Variants in ZNF516 observed in about 807,000 individuals in gnomAD.
ZNF516 encodes zinc finger protein 516.
A neutral mutation model predicts 79.7 loss-of-function variants in ZNF516; 19 were observed. The observed-to-expected ratio is 0.24, with a 90% CI of 0.17 to 0.35. The LOEUF (loss-of-function observed/expected upper bound fraction) is 0.35, where lower values mean the gene tolerates loss of function less well. Ranked by LOEUF, ZNF516 falls within the 10% of genes least tolerant of loss-of-function variation. The probability of loss-of-function intolerance (pLI) is 1.00; values close to 1 mark genes in which losing one functional copy is unlikely to be tolerated. For synonymous variants in ZNF516, 877 were observed against 739.5 expected (o/e 1.19, Z -3.02); for missense variants, 1,678 against 1,679.5 (o/e 1.00, Z 0.02).
Position 76,365,391 on chromosome 18 carries a change from T to C in ZNF516, c.3433-2834A>G, listed in dbSNP as rs555553511. Among the ~76,000 whole-genome samples the C allele has an allele frequency of 2.0e-4, 30 of 152,320 alleles. No individual in the cohort carries two copies. The East Asian group carries it at 5.0e-3, about 25-fold the overall frequency. Reference sequence around the variant, plus strand: ...TTCTTGGTTTCAAAAATCATTTTAATTTCTAATGTTTAACAACAATGCAAC... The same window carrying C: ...TTCTTGGTTTCAAAAATCATTTTAACTTCTAATGTTTAACAACAATGCAAC... On this transcript the variant is annotated intron_variant, in intron 6 of 6. Coordinates refer to ENST00000443185, the MANE Select transcript of ZNF516 (RefSeq NM_014643.4).
intron 3 of ZNF516, among the ~76,000 whole-genome samples, chr18:76,428,213 C>CTG (rs1182830134): frequency 2.0e-5 from 3 of 151,800 alleles, no homozygotes; most frequent in Admixed American, 6.6e-5. Context: ...CAGTGAAACC[C>CTG]TGTCTGTACT....
intron 6 of ZNF516, among the ~76,000 whole-genome samples, chr18:76,367,902 T>C (rs1195771777): frequency 6.6e-6 from 1 of 152,236 alleles, no homozygotes; most frequent in Non-Finnish European, 1.5e-5. Context: ...TGTATATCTA[T>C]AAAAGTCCAT....
chr18:76,438,829 G>A (rs1412798759), intron 3 of ZNF516, among the ~76,000 whole-genome samples: 1 of 152,196 alleles, frequency 6.6e-6, no homozygotes. Context: ...TGGAATGGTC[G>A]CATAGATCTG....
At chr18:76,496,231 C>A, upstream of ZNF516, 1 of 1,248,758 alleles carries the variant, frequency 8.0e-7, no homozygotes, top group Non-Finnish European at 1.0e-6. Context: ...TGACGTAGAC[C>A]CGGGGAGCTG....
intron 1 of ZNF516, chr18:76,492,817 G>A (rs901085141): frequency 7.1e-6 from 7 of 986,158 alleles, no homozygotes; most frequent in Admixed American, 1.2e-4. Flanking sequence ...TTCGGAGGGG[G>A]AGGCGCTCCG....
intron 3 of ZNF516, among the ~76,000 whole-genome samples, chr18:76,401,515 T>C (rs890546606): frequency 6.6e-6 from 1 of 152,088 alleles, no homozygotes; most frequent in African/African-American, 2.4e-5. Flanking sequence ...ATCAAAAAGC[T>C]GGTCACAAGA....
At chr18:76,402,266 C>G (rs936068549) in intron 3 of ZNF516, among the ~76,000 whole-genome samples, 1 of 152,206 alleles carries the variant, frequency 6.6e-6, no homozygotes, top group African/African-American at 2.4e-5. Context: ...GGCTGTCCCG[C>G]GCAGCTGCCT....
intron 3 of ZNF516, among the ~76,000 whole-genome samples, chr18:76,399,202 G>A (rs1049762000): frequency 2.5e-5 from 1 of 39,726 alleles, no homozygotes; most frequent in African/African-American, 1.6e-4. Flanking sequence ...GCATTTATCT[G>A]CAAAAGACTT....
rs1325879020 is a variant in ZNF516, at chr18:76,435,951, G to A, written c.1810+5294C>T. ...CAGGGAGCCCTGTCAGGCCTGGCAT[G>A]GGCCACATGGCGGACAGTAGCTCTC... On this transcript the variant is annotated intron_variant, in intron 3 of 6. Transcript: ENST00000443185. Among the ~76,000 whole-genome samples the A allele has an allele frequency of 2.6e-5, 4 of 152,376 alleles. No individual in the cohort carries two copies. The East Asian group carries it at 7.7e-4, about 29-fold the overall frequency.
chr18:76,386,141 G>A (rs2074988293), intron 3 of ZNF516: 2 of 152,228 alleles, frequency 1.3e-5, no homozygotes, highest in South Asian at 2.1e-4. Context: ...AACAGGAAGG[G>A]GTGTCTGCCC....
At position 76,456,615 on chromosome 18, in the gene ZNF516, G is replaced by C. The variant is rs890569115; in HGVS notation, c.-158+6413C>G. 3.3e-5 allele frequency among the ~76,000 whole-genome samples: 5 copies of C among 152,106 alleles called. No homozygotes were observed. In the East Asian group the frequency reaches 7.7e-4, roughly 23 times the overall value. On this transcript the variant is annotated intron_variant, in intron 2 of 6. Coordinates refer to ENST00000443185, the MANE Select transcript of ZNF516 (RefSeq NM_014643.4). ...GGCTTCCTCCCGGGAATGTGTGTGTGGCTCATCCTCACTGGGCCACACAGT... is the reference window on the plus strand; with the variant it reads ...GGCTTCCTCCCGGGAATGTGTGTGTCGCTCATCCTCACTGGGCCACACAGT...
intron 1 of ZNF516, among the ~76,000 whole-genome samples, chr18:76,474,730 C>A (rs575887355): frequency 3.7e-4 from 57 of 152,016 alleles, no homozygotes; most frequent in African/African-American, 1.3e-3. Flanking sequence ...TCTATGATAA[C>A]CCCAATGAAT....
At chr18:76,382,406 G>A (rs1272421902) in intron 3 of ZNF516, among the ~76,000 whole-genome samples, 2 of 152,192 alleles carry the variant, frequency 1.3e-5, no homozygotes, top group African/African-American at 4.8e-5. Flanking sequence ...TTTCCCTGCA[G>A]TAAAGGAATA....
At chr18:76,376,837 G>A (rs769779325) in intron 4 of ZNF516, among the ~76,000 whole-genome samples, 70 of 152,206 alleles carry the variant, frequency 4.6e-4, no homozygotes, top group Middle Eastern at 3.4e-3. Context: ...TCAAGTGGGC[G>A]TCAAACTCCC....
intron 2 of ZNF516, among the ~76,000 whole-genome samples, chr18:76,458,790 T>TCATG (rs1568310748): frequency 7.0e-6 from 1 of 143,594 alleles, no homozygotes; most frequent in African/African-American, 2.7e-5. Context: ...TGCCTCACCG[T>TCATG]CGTGCGTGTG....
In ZNF516 at chr18:76,442,413, C is replaced by T; in HGVS notation, c.642G>A (p.Ser214=). 1 of 1,607,404 alleles carries T rather than the reference C, an allele frequency of 6.2e-7. No homozygotes were observed. The highest frequency in any genetic ancestry group is 8.5e-7 in the Non-Finnish European group (1 of 1,179,636). Residue 214 remains serine, a synonymous_variant, in exon 3 of 7, where the codon TCG becomes TCA. Coordinates refer to ENST00000443185, the MANE Select transcript of ZNF516 (RefSeq NM_014643.4). ...LCSYATLREE[S]LLSHIERDHI... ...GGTCCCTCTCGATGTGGCTCAGCAGCGACTCCTCCCGCAGCGTCGCGTAGC... is the reference window on the plus strand; with the variant it reads ...GGTCCCTCTCGATGTGGCTCAGCAGTGACTCCTCCCGCAGCGTCGCGTAGC...
At chr18:76,392,358 G>C (rs1269414038) in intron 3 of ZNF516, among the ~76,000 whole-genome samples, 2 of 152,194 alleles carry the variant, frequency 1.3e-5, no homozygotes, top group African/African-American at 4.8e-5. Flanking sequence ...TTGGCAAACG[G>C]GGCTCTTCAC....
chr18:76,422,738 T>C (rs1316256934), intron 3 of ZNF516, among the ~76,000 whole-genome samples: 1 of 151,870 alleles, frequency 6.6e-6, no homozygotes, highest in Non-Finnish European at 1.5e-5. Context: ...GAGGAGAAGA[T>C]ATGAATTCCA....
chr18:76,403,548 G>A (rs558635042), intron 3 of ZNF516, among the ~76,000 whole-genome samples: 2 of 152,266 alleles, frequency 1.3e-5, no homozygotes, highest in East Asian at 3.9e-4. Flanking sequence ...GTCAGCGACT[G>A]TACAATGAGA....
Sources: gnomAD v4.1 joint callset for allele counts (sites outside exome capture counted in the v4.1 genomes callset) on GRCh38, gnomAD v4.1.1 for gene constraint, MANE v1.5 for transcripts, NCBI Gene and HGNC (gene_info 2026-07-23, HGNC 2026-07-21) for gene names.